The following LRRC53 variants were observed in gnomAD, a reference collection of about 807,000 sequenced individuals.
The protein encoded by LRRC53 is leucine-rich repeat-containing protein 53.
In LRRC53, 25 loss-of-function variants were observed where a neutral mutation model predicts 13.6. That is an observed-to-expected ratio of 1.83 (90% confidence interval 1.34 to 2.56). LRRC53 has a LOEUF of 2.56. Among genes scored for constraint, LRRC53 ranks in the 30% most tolerant of loss-of-function variants. The probability of loss-of-function intolerance (pLI) is 0.00; values close to 1 mark genes in which losing one functional copy is unlikely to be tolerated. For synonymous variants in LRRC53, 204 were observed against 109.8 expected, an observed-to-expected ratio of 1.86 and a Z score of -5.37; for missense variants, 527 against 275.8, an observed-to-expected ratio of 1.91 and a Z score of -6.45.
At chr1:74,477,173 T>TA (rs1270703683) in intron 3 of LRRC53, among the ~76,000 whole-genome samples, 1 of 152,084 alleles carries the variant, frequency 6.6e-6, no homozygotes, top group Admixed American at 6.6e-5. Context: ...AAGAATATAT[T>TA]AAAAAATTAA....
chr1:74,499,058 C>A (rs1192892198), intron 1 of LRRC53, among the ~76,000 whole-genome samples: 3 of 152,094 alleles, frequency 2.0e-5, no homozygotes. Context: ...AATAAATAAA[C>A]AAGCAAACCA....
At chr1:74,498,234 G>GT (rs1187994880) in intron 1 of LRRC53, among the ~76,000 whole-genome samples, 1 of 152,080 alleles carries the variant, frequency 6.6e-6, no homozygotes, top group African/African-American at 2.4e-5. Flanking sequence ...TATCTTAACA[G>GT]TTTTTTTAAC....
chr1:74,510,778 G>C (rs1279252065), intron 1 of LRRC53, among the ~76,000 whole-genome samples: 2 of 152,240 alleles, frequency 1.3e-5, no homozygotes, highest in African/African-American at 4.8e-5. Context: ...ACAAATGTGT[G>C]TTGATTTCCC....
chr1:74,511,050 G>T (rs1280193761), intron 1 of LRRC53, among the ~76,000 whole-genome samples: 2 of 152,112 alleles, frequency 1.3e-5, no homozygotes, highest in African/African-American at 4.8e-5. Context: ...ACCATGCCCA[G>T]CTAATGTTTG....
At chr1:74,535,442 C>G in the LRRC53 span, among the ~76,000 whole-genome samples, 1 of 152,058 alleles carries the variant, frequency 6.6e-6, no homozygotes. Context: ...TGCAATCCAG[C>G]CTGGGTGACT....
chr1:74,533,710 C>T, the LRRC53 span, among the ~76,000 whole-genome samples: 2 of 151,660 alleles, frequency 1.3e-5, no homozygotes, highest in African/African-American at 4.9e-5. Flanking sequence ...GGCACATATA[C>T]ACCATGGAAT....
intron 4 of LRRC53, among the ~76,000 whole-genome samples, chr1:74,473,931 G>C (rs1668060682): frequency 6.6e-6 from 1 of 152,062 alleles, no homozygotes; most frequent in Admixed American, 6.6e-5. Context: ...AAGTCAGAAG[G>C]CATAATCAGA....
chr1:74,483,520 C>A (rs762145490), intron 1 of LRRC53, 145 bp from the exon 2 acceptor site: 3 of 526,132 alleles, frequency 5.7e-6, no homozygotes, highest in Non-Finnish European at 1.0e-5. Flanking sequence ...AGGTAAATAA[C>A]TACATTCCTT....
chr1:74,502,107 T>C (rs1275327882), intron 1 of LRRC53, among the ~76,000 whole-genome samples: 1 of 152,180 alleles, frequency 6.6e-6, no homozygotes, highest in Non-Finnish European at 1.5e-5. Flanking sequence ...AAATTCATGC[T>C]ATAGGTCAAC....
chr1:74,470,525 C>G lies in LRRC53; in HGVS notation c.3097G>C (p.Glu1033Gln), dbSNP rs1460028665. 1.2e-5 allele frequency: 5 copies of G among 400,644 alleles called. No individual in the cohort carries two copies. The South Asian group carries it at 3.8e-4, about 30-fold the overall frequency. The allele number at this position is 400,644 out of a possible 1,614,324, so 24.8% of individuals were successfully genotyped here. ...TNSIPYQNRI[E>Q]LPKDISTSPV... The stretch of plus-strand genomic sequence containing the variant: ...GAAGTACTGATATCCTTGGGAAGTT[C>G]TATTCTATTTTGGTATGGAATTGAA... Residue 1033 changes from glutamate to glutamine, a missense_variant, in exon 5 of 5, where the codon GAA (glutamate) becomes CAA (glutamine). Physicochemically the swap from Glu to Gln is conservative, Grantham distance 29. Coordinates refer to ENST00000294635, the MANE Select transcript of LRRC53 (RefSeq NM_001382280.1).
chr1:74,483,142 T>C, intron 2 of LRRC53, 120 bp downstream of exon 2: 1 of 577,424 alleles, frequency 1.7e-6, no homozygotes, highest in Non-Finnish European at 3.2e-6. Flanking sequence ...GTATGAAGTG[T>C]ACTCATTAAA....
At chr1:74,535,525 C>T in the LRRC53 span, among the ~76,000 whole-genome samples, 5 of 152,042 alleles carry the variant, frequency 3.3e-5, no homozygotes, top group East Asian at 1.9e-4. Context: ...GAATCTGGGA[C>T]GTCACTTGTC....
intron 1 of LRRC53, chr1:74,489,151 T>G: frequency 6.3e-7 from 1 of 1,583,808 alleles, no homozygotes; most frequent in Admixed American, 1.8e-5. Flanking sequence ...TCCTTCCTTT[T>G]ATTCTTAAGG....
rs747743119 is a variant in LRRC53, at chr1:74,470,976, A to AT, written c.2645dup (p.Asn882LysfsTer5). The AT allele has an allele frequency of 1.0e-5, 4 of 400,492 alleles. No homozygotes were observed. The highest frequency in any genetic ancestry group is 4.4e-6 in the Non-Finnish European group (1 of 226,176). The allele number at this position is 400,492 out of a possible 1,614,324, so 24.8% of individuals were successfully genotyped here. On this transcript the variant is annotated frameshift_variant, in exon 5 of 5. Transcript: ENST00000294635. LOFTEE classifies it low-confidence loss of function (END_TRUNC). ...GGAATGGTAAAACATCACTTCCTGTATTTTCCCAAGTAGTTGCTAAATAAC... is the reference window on the plus strand; with the variant it reads ...GGAATGGTAAAACATCACTTCCTGTATTTTTCCCAAGTAGTTGCTAAATAAC...
chr1:74,513,854 A>C (rs535217104), upstream of LRRC53, among the ~76,000 whole-genome samples: 50 of 152,220 alleles, frequency 3.3e-4, no homozygotes, highest in Non-Finnish European at 6.6e-4. Context: ...ATTTTAGATG[A>C]ATCTTTAAAG....
intron 3 of LRRC53, among the ~76,000 whole-genome samples, chr1:74,477,114 T>A (rs1013292113): frequency 7.0e-4 from 106 of 152,276 alleles, no homozygotes; most frequent in African/African-American, 2.3e-3. Context: ...GACAGATAGA[T>A]TCTAGAGTTT....
chr1:74,498,734 G>A (rs560942586), intron 1 of LRRC53, among the ~76,000 whole-genome samples: 30 of 151,632 alleles, frequency 2.0e-4, no homozygotes, highest in Middle Eastern at 3.4e-3. Context: ...TCTTCCCCCC[G>A]ACTATTAGCA....
intron 1 of LRRC53, among the ~76,000 whole-genome samples, chr1:74,497,188 C>T (rs1372554973): frequency 1.3e-5 from 2 of 152,096 alleles, no homozygotes; most frequent in East Asian, 1.9e-4. Flanking sequence ...AAGATGATAG[C>T]ACCATGACAC....
At chr1:74,511,972 T>G (rs78630595) in intron 1 of LRRC53, among the ~76,000 whole-genome samples, 2 of 152,276 alleles carry the variant, frequency 1.3e-5, no homozygotes, top group East Asian at 3.9e-4. Flanking sequence ...TAAAAGAACA[T>G]GGAGTCAAGT....
Sources: gnomAD v4.1 joint callset for allele counts (sites outside exome capture counted in the v4.1 genomes callset) on GRCh38, gnomAD v4.1.1 for gene constraint, MANE v1.5 for transcripts, NCBI Gene and HGNC (gene_info 2026-07-23, HGNC 2026-07-21) for gene names.